MAS1: variants seen among roughly 807,000 people sequenced by gnomAD.
MAS1 encodes MAS1 proto-oncogene, G protein-coupled receptor, also known as proto-oncogene Mas.
For synonymous variants in MAS1, 163 were observed against 164.2 expected (o/e 0.99, Z 0.05); for missense variants, 387 against 409.7 (o/e 0.94, Z 0.48).
chr6:159,893,222 G>T (rs986949378), intron 1 of MAS1, among the ~76,000 whole-genome samples: 1 of 152,234 alleles, frequency 6.6e-6, no homozygotes, highest in Non-Finnish European at 1.5e-5. Flanking sequence ...GCCTGAATAG[G>T]CAAGGATCAT....
rs55793021 is a variant in MAS1 at position 159,908,509 on chromosome 6, G to GCACACACACACACACACA, written c.*595_*612dup. 1.4e-5 allele frequency: 2 copies of GCACACACACACACACACA among 145,878 alleles called. No homozygotes were observed. The highest frequency in any genetic ancestry group is 5.1e-5 in the African/African-American group (2 of 39,408). The allele number at this position is 145,878 out of a possible 1,614,324, so 9.0% of individuals were successfully genotyped here. On this transcript the variant is annotated 3_prime_UTR_variant, in exon 3 of 3. Coordinates refer to ENST00000674077, the MANE Select transcript of MAS1 (RefSeq NM_002377.4). ...AAGATATAAATTTTTGTTTTGTAAAGCACACACACACACACACACACACAC... is the reference window on the plus strand; with the variant it reads ...AAGATATAAATTTTTGTTTTGTAAAGCACACACACACACACACACACACACACACACACACACACACAC...
rs1350317450 is a variant in MAS1, at chr6:159,913,035, T to C, written c.*5102T>C. ...GATATTTTTGCAAAAATTACCCACTTTTTGATGTTCAGCAAAAGTAACCAT... is the reference window on the plus strand; with the variant it reads ...GATATTTTTGCAAAAATTACCCACTCTTTGATGTTCAGCAAAAGTAACCAT... On this transcript the variant is annotated 3_prime_UTR_variant, in exon 3 of 3. Transcript: ENST00000674077. 2 of 152,330 alleles carry C rather than the reference T, an allele frequency of 1.3e-5. No individual in the cohort carries two copies. Among genetic ancestry groups the C allele is most frequent in the East Asian group, 3.9e-4 (2 of 5,188 alleles). The allele number at this position is 152,330 out of a possible 1,614,324, so 9.4% of individuals were successfully genotyped here. A position where few individuals can be genotyped will look rare whatever the true frequency, so the allele number is the denominator to read the frequency against.
In MAS1 at chr6:159,915,408, G is replaced by C. The variant is rs1173021636; in HGVS notation, c.*7475G>C. ...CTGCTGGAAATAGGACTAGTTCACT[G>C]AGTATAACGTTTCTACAGAGCAGTC... On this transcript the variant is annotated 3_prime_UTR_variant, in exon 3 of 3. Transcript: ENST00000674077. 2 of 152,224 alleles carry C rather than the reference G, an allele frequency of 1.3e-5. No individual in the cohort carries two copies. The highest frequency in any genetic ancestry group is 2.9e-5 in the Non-Finnish European group (2 of 68,048). 9.4% of individuals were successfully genotyped at this position (152,224 alleles called of 1,614,324 possible).
At chr6:159,906,398 C>T (rs1301763707) in intron 2 of MAS1, among the ~76,000 whole-genome samples, 2 of 152,220 alleles carry the variant, frequency 1.3e-5, no homozygotes, top group African/African-American at 2.4e-5. Flanking sequence ...CCCATTGTCC[C>T]AGGCACTCCC....
intron 2 of MAS1, among the ~76,000 whole-genome samples, chr6:159,905,957 G>A (rs12333253): frequency 1.3e-5 from 2 of 151,926 alleles, no homozygotes; most frequent in Admixed American, 1.3e-4. Context: ...CAGGAGAATC[G>A]CTTGAACCTG....
At chr6:159,906,189 G>GT (rs1469526856) in intron 2 of MAS1, among the ~76,000 whole-genome samples, 2 of 152,196 alleles carry the variant, frequency 1.3e-5, no homozygotes, top group African/African-American at 4.8e-5. Flanking sequence ...TGGCGATGGT[G>GT]TTTCCCGCAC....
At position 159,915,940 on chromosome 6, in the gene MAS1, C is replaced by T. The variant is rs552892112; in HGVS notation, c.*8007C>T. On this transcript the variant is annotated 3_prime_UTR_variant, in exon 3 of 3. Transcript: ENST00000674077. ...GGAGCATCACTCCCCGACGTCAACT[C>T]CCAGCTCTTCCTGGCCTGCCCTGTG... 1.3e-5 allele frequency: 2 copies of T among 152,554 alleles called. No homozygotes were observed. Among genetic ancestry groups the T allele is most frequent in the East Asian group, 3.9e-4 (2 of 5,180 alleles). The allele number at this position is 152,554 out of a possible 1,614,324, so 9.5% of individuals were successfully genotyped here. A position where few individuals can be genotyped will look rare whatever the true frequency, so the allele number is the denominator to read the frequency against.
chr6:159,916,781 C>T lies in MAS1; in HGVS notation c.*8848C>T, dbSNP rs1298962391. Among the ~76,000 whole-genome samples, 2 of 152,158 alleles carry T rather than the reference C, an allele frequency of 1.3e-5. No homozygotes were observed. Among genetic ancestry groups the T allele is most frequent in the African/African-American group, 2.4e-5 (1 of 41,434 alleles). On this transcript the variant is annotated 3_prime_UTR_variant, in exon 3 of 3. Transcript: ENST00000674077. ...TTCCAATGAAGCTGCTGTTGAGGGCCGGATAGCAGCCACTCTTGGCTTTGC... is the reference window on the plus strand; with the variant it reads ...TTCCAATGAAGCTGCTGTTGAGGGCTGGATAGCAGCCACTCTTGGCTTTGC...
At chr6:159,896,255 G>A (rs1250334765) in intron 1 of MAS1, among the ~76,000 whole-genome samples, 2 of 152,190 alleles carry the variant, frequency 1.3e-5, no homozygotes, top group African/African-American at 4.8e-5. Flanking sequence ...TGATCTCACT[G>A]CTGCACTCCA....
In MAS1 at chr6:159,907,789, C is replaced by T. The variant is rs1277547818; in HGVS notation, c.834C>T (p.Phe278=). 1.2e-6 allele frequency: 2 copies of T among 1,613,426 alleles called. No homozygotes were observed. The highest frequency in any genetic ancestry group is 4.5e-5 in the East Asian group (2 of 44,832). ...CAATCAACAGTAGCGCCAACCCTTT[C>T]ATTTACTTCTTTGTGGGAAGCAGTA... ...FSTINSSANP[F]IYFFVGSSKK... is the part of the protein sequence containing the mutation. The change falls in exon 3 of 3, where the codon TTC becomes TTT. Residue 278 remains phenylalanine (F), a synonymous_variant. Coordinates refer to ENST00000674077, the MANE Select transcript of MAS1 (RefSeq NM_002377.4).
rs953242196 is a variant in MAS1 at position 159,915,522 on chromosome 6, C to T, written c.*7589C>T. 2 of 152,212 alleles carry T rather than the reference C, an allele frequency of 1.3e-5. No individual in the cohort carries two copies. The highest frequency in any genetic ancestry group is 6.5e-5 in the Admixed American group (1 of 15,286). The allele number at this position is 152,212 out of a possible 1,614,324, so 9.4% of individuals were successfully genotyped here. A position where few individuals can be genotyped will look rare whatever the true frequency, so the allele number is the denominator to read the frequency against. On this transcript the variant is annotated 3_prime_UTR_variant, in exon 3 of 3. Coordinates refer to ENST00000674077, the MANE Select transcript of MAS1 (RefSeq NM_002377.4). ...CTGTGGGGAAGGAGTGATTTGCAGG[C>T]TTCATGCTGACATTACCTGTATGGT...
In MAS1 at chr6:159,901,114, G is replaced by C. The variant is rs1483991991; in HGVS notation, c.-37+1722G>C. ...ATGGCTTTTCCTCTGTGCCCTCACA[G>C]AGAGAGATCTCTTATGTCTCTTCCC... On this transcript the variant is annotated intron_variant, in intron 2 of 2. Coordinates refer to ENST00000674077, the MANE Select transcript of MAS1 (RefSeq NM_002377.4). Among the ~76,000 whole-genome samples the C allele has an allele frequency of 2.0e-5, 3 of 152,044 alleles. No individual in the cohort carries two copies. The East Asian group carries it at 5.8e-4, about 29-fold the overall frequency.
At chr6:159,889,140 CG>C (rs967115876), upstream of MAS1, among the ~76,000 whole-genome samples, 1 of 152,198 alleles carries the variant, frequency 6.6e-6, no homozygotes, top group African/African-American at 2.4e-5. Context: ...TAGAAGCCAT[CG>C]GGCCACCCTG....
chr6:159,901,522 C>T lies in MAS1; in HGVS notation c.-37+2130C>T, dbSNP rs79993860. 5.0e-4 allele frequency among the ~76,000 whole-genome samples: 76 copies of T among 152,224 alleles called. No homozygotes were observed. In the East Asian group the frequency reaches 7.7e-3, roughly 15 times the overall value. On this transcript the variant is annotated intron_variant, in intron 2 of 2. Coordinates refer to ENST00000674077, the MANE Select transcript of MAS1 (RefSeq NM_002377.4). Reference sequence around the variant, plus strand: ...GCTGAGAGGGGAGGATTGCTTGGGCCTAGGCATTTGAAGCTGCAGTGAGCT... The same window carrying T: ...GCTGAGAGGGGAGGATTGCTTGGGCTTAGGCATTTGAAGCTGCAGTGAGCT...
intron 2 of MAS1, among the ~76,000 whole-genome samples, chr6:159,905,271 A>G (rs1036984088): frequency 1.3e-5 from 2 of 152,240 alleles, no homozygotes; most frequent in African/African-American, 4.8e-5. Flanking sequence ...TCTTACTTGC[A>G]AACTTCTAAC....
chr6:159,906,748 A>G, intron 2 of MAS1, 172 bp from the exon 3 acceptor site: 1 of 547,904 alleles, frequency 1.8e-6, no homozygotes, highest in South Asian at 2.5e-5. Context: ...TTCCTTTCTT[A>G]TCAGGTCCTA....
rs1782999329 is a variant in MAS1 at position 159,914,506 on chromosome 6, G to A, written c.*6573G>A. 6.6e-6 allele frequency: 1 copy of A among 152,198 alleles called. No homozygotes were observed. The highest frequency in any genetic ancestry group is 6.5e-5 in the Admixed American group (1 of 15,274). 9.4% of individuals were successfully genotyped at this position (152,198 alleles called of 1,614,324 possible). ...ATTGCTGCTCTGTCAACATTTCCCAGTTCAGGGAAGATGTAAGTGGGTATC... is the reference window on the plus strand; with the variant it reads ...ATTGCTGCTCTGTCAACATTTCCCAATTCAGGGAAGATGTAAGTGGGTATC... On this transcript the variant is annotated 3_prime_UTR_variant, in exon 3 of 3. Coordinates refer to ENST00000674077, the MANE Select transcript of MAS1 (RefSeq NM_002377.4).
rs1202195616 is a variant in MAS1, at chr6:159,911,392, T to A, written c.*3459T>A. 7.1e-6 allele frequency: 1 copy of A among 141,330 alleles called. No homozygotes were observed. Among genetic ancestry groups the A allele is most frequent in the Admixed American group, 7.7e-5 (1 of 13,032 alleles). The allele number at this position is 141,330 out of a possible 1,614,324, so 8.8% of individuals were successfully genotyped here. On this transcript the variant is annotated 3_prime_UTR_variant, in exon 3 of 3. Transcript: ENST00000674077. Reference sequence around the variant, plus strand: ...CTCTGTTGCCCCAGCTGGAGTGCGGTGGCGTGATTTCGGCTCACTGCAACC... The same window carrying A: ...CTCTGTTGCCCCAGCTGGAGTGCGGAGGCGTGATTTCGGCTCACTGCAACC...
rs1782694341 is a variant in MAS1 at position 159,891,072 on chromosome 6, C to T, written c.-305C>T. On this transcript the variant is annotated 5_prime_UTR_variant, in exon 1 of 3. The change creates a premature stop within an existing upstream ORF in the 5' untranslated region. Coordinates refer to ENST00000674077, the MANE Select transcript of MAS1 (RefSeq NM_002377.4). ...GCAGGCTGGCTGGGCATTGATGCCC[C>T]AGATGTGAAGGGGCAGCCAACCTGT... is the stretch of plus-strand genomic sequence containing the variant. Among the ~76,000 whole-genome samples, 1 of 152,190 alleles carries T rather than the reference C, an allele frequency of 6.6e-6. No homozygotes were observed. The highest frequency in any genetic ancestry group is 1.5e-5 in the Non-Finnish European group (1 of 68,036).
Sources: allele counts gnomAD v4.1 joint callset (sites outside exome capture counted in the v4.1 genomes callset), GRCh38; gene constraint gnomAD v4.1.1; transcripts MANE v1.5; gene names NCBI Gene and HGNC (gene_info 2026-07-23, HGNC 2026-07-21).